CDH18: variants seen among roughly 807,000 people sequenced by gnomAD.
CDH18 encodes the protein cadherin 18, also known as cadherin-18.
CDH18 carries 31 observed loss-of-function variants against 67.9 expected under a neutral mutation model. That is an observed-to-expected ratio of 0.46 (90% CI 0.34 to 0.62). CDH18 has a LOEUF of 0.62. Among genes scored for constraint, CDH18 ranks in the 20% least tolerant of loss-of-function variants. The probability of loss-of-function intolerance (pLI) is 0.01; values close to 1 mark genes in which losing one functional copy is unlikely to be tolerated. For synonymous variants in CDH18, 362 were observed against 347.2 expected, an observed-to-expected ratio of 1.04 and a Z score of -0.48; for missense variants, 890 against 975.5, an observed-to-expected ratio of 0.91 and a Z score of 1.17.
At chr5:19,557,187 A>C (rs2127183331) in intron 8 of CDH18, among the ~76,000 whole-genome samples, 1 of 152,260 alleles carries the variant, frequency 6.6e-6, no homozygotes, top group South Asian at 2.1e-4. Context: ...GAATCTCCTT[A>C]AAGCATAAAT....
At chr5:19,651,647 C>T (rs948098053) in intron 5 of CDH18, among the ~76,000 whole-genome samples, 1 of 151,988 alleles carries the variant, frequency 6.6e-6, no homozygotes, top group African/African-American at 2.4e-5. Context: ...TCCTTGCTTC[C>T]CTAATTCACC....
chr5:19,619,964 T>A (rs1349712347), intron 5 of CDH18, among the ~76,000 whole-genome samples: 1 of 151,978 alleles, frequency 6.6e-6, no homozygotes, highest in Non-Finnish European at 1.5e-5. Flanking sequence ...GCAAGCTTGA[T>A]GGATTAAAAC....
At chr5:20,053,365 C>T (rs1230083453) in intron 2 of CDH18, among the ~76,000 whole-genome samples, 1 of 151,726 alleles carries the variant, frequency 6.6e-6, no homozygotes, top group Non-Finnish European at 1.5e-5. Context: ...TAAGGTTCCT[C>T]TCTCTTTTTT....
intron 1 of CDH18, among the ~76,000 whole-genome samples, chr5:20,353,656 C>A (rs1324378006): frequency 6.6e-6 from 1 of 152,204 alleles, no homozygotes; most frequent in East Asian, 1.9e-4. Context: ...CCTCAACCTT[C>A]AGGCTTTGGC....
intron 5 of CDH18, among the ~76,000 whole-genome samples, chr5:19,695,987 T>G (rs906514461): frequency 6.6e-5 from 10 of 151,968 alleles, no homozygotes; most frequent in African/African-American, 2.4e-4. Flanking sequence ...AAGCATAGGG[T>G]TTTTTCATCT....
At chr5:20,509,195 TCCTC>T (rs1277944121) in intron 1 of CDH18, among the ~76,000 whole-genome samples, 4 of 152,286 alleles carry the variant, frequency 2.6e-5, no homozygotes, top group African/African-American at 7.2e-5. Context: ...GAATTTGTTC[TCCTC>T]CCTAACAGAA....
chr5:19,521,863 T>TC lies in CDH18; in HGVS notation c.1391-1086dup, dbSNP rs1252069000. ...AGGTAATTACAGTCTACACATTTTT[T>TC]CCCTAGAAAATATAAGAAAGAGGAA... On this transcript the variant is annotated intron_variant, in intron 9 of 12. Coordinates refer to ENST00000382275, the MANE Select transcript of CDH18 (RefSeq NM_004934.5). 4.0e-5 allele frequency among the ~76,000 whole-genome samples: 6 copies of TC among 151,874 alleles called. No homozygotes were observed. In the East Asian group the frequency reaches 9.7e-4, roughly 25 times the overall value.
chr5:19,835,940 A>C (rs1781573977), intron 3 of CDH18, among the ~76,000 whole-genome samples: 1 of 152,114 alleles, frequency 6.6e-6, no homozygotes, highest in Non-Finnish European at 1.5e-5. Context: ...ATATGTGAGG[A>C]GCTCTCAACC....
intron 3 of CDH18, among the ~76,000 whole-genome samples, chr5:19,776,861 T>C (rs563936205): frequency 6.6e-6 from 1 of 152,280 alleles, no homozygotes; most frequent in African/African-American, 2.4e-5. Context: ...ATAGTGAAAG[T>C]AGTAATAGGG....
chr5:19,880,166 T>C (rs1437715000), intron 2 of CDH18, among the ~76,000 whole-genome samples: 4 of 151,976 alleles, frequency 2.6e-5, no homozygotes, highest in South Asian at 4.1e-4. Flanking sequence ...TCTTTTCTTT[T>C]CTACTATCTA....
intron 4 of CDH18, among the ~76,000 whole-genome samples, chr5:19,735,726 A>C (rs935521324): frequency 6.6e-6 from 1 of 152,060 alleles, no homozygotes; most frequent in Non-Finnish European, 1.5e-5. Flanking sequence ...GAGAAGTCAC[A>C]CCTATACTTC....
At chr5:20,216,990 G>C (rs1740832250) in intron 2 of CDH18, among the ~76,000 whole-genome samples, 1 of 151,692 alleles carries the variant, frequency 6.6e-6, no homozygotes, top group South Asian at 2.1e-4. Context: ...CATATTTAAA[G>C]TGCTAAAGGA....
At chr5:19,666,908 A>G (rs1758034054) in intron 5 of CDH18, among the ~76,000 whole-genome samples, 1 of 152,088 alleles carries the variant, frequency 6.6e-6, no homozygotes, top group Admixed American at 6.6e-5. Context: ...TGGAGAAAAG[A>G]TATATAAAGA....
At chr5:20,123,822 GC>G (rs1748582761) in intron 2 of CDH18, among the ~76,000 whole-genome samples, 1 of 147,462 alleles carries the variant, frequency 6.8e-6, no homozygotes, top group Admixed American at 6.9e-5. Flanking sequence ...CGGAGGCGGA[GC>G]TTGCAGTGAG....
At chr5:19,802,699 G>A (rs558706244) in intron 3 of CDH18, among the ~76,000 whole-genome samples, 1 of 152,168 alleles carries the variant, frequency 6.6e-6, no homozygotes, top group African/African-American at 2.4e-5. Context: ...TCAAGGGGCA[G>A]ATTTTGCCTC....
At chr5:20,494,423 G>A (rs1366898544) in intron 1 of CDH18, among the ~76,000 whole-genome samples, 1 of 151,926 alleles carries the variant, frequency 6.6e-6, no homozygotes, top group Non-Finnish European at 1.5e-5. Context: ...GATAAAAAAT[G>A]TGGGAAGAGG....
chr5:20,171,049 T>A (rs1172711480), intron 2 of CDH18, among the ~76,000 whole-genome samples: 17 of 149,852 alleles, frequency 1.1e-4, no homozygotes, highest in Admixed American at 3.3e-4. Flanking sequence ...CTTTTTTTTT[T>A]ATATATATAT....
At chr5:20,508,843 T>G (rs1754826972) in intron 1 of CDH18, among the ~76,000 whole-genome samples, 1 of 152,092 alleles carries the variant, frequency 6.6e-6, no homozygotes, top group African/African-American at 2.4e-5. Context: ...ATAATTACTA[T>G]CTCAATCATT....
intron 2 of CDH18, among the ~76,000 whole-genome samples, chr5:20,055,957 G>A (rs549454953): frequency 8.5e-6 from 1 of 117,174 alleles, no homozygotes; most frequent in East Asian, 2.7e-4. Context: ...TGCATCCACA[G>A]TTTATGTCTA....
Sources: allele counts gnomAD v4.1 joint callset (sites outside exome capture counted in the v4.1 genomes callset), GRCh38; gene constraint gnomAD v4.1.1; transcripts MANE v1.5; gene names NCBI Gene and HGNC (gene_info 2026-07-23, HGNC 2026-07-21).